The following KIF1C variants were observed in gnomAD, a reference collection of about 807,000 sequenced individuals.
KIF1C encodes the protein kinesin-like protein KIF1C.
A neutral mutation model predicts 126.5 loss-of-function variants in KIF1C; 61 were observed. The observed-to-expected ratio is 0.48, with a 90% CI of 0.39 to 0.60. The LOEUF is 0.60. Among genes scored for constraint, KIF1C ranks in the 20% least tolerant of loss-of-function variants. The pLI is 0.00. For synonymous variants in KIF1C, 640 were observed against 580.6 expected (o/e 1.10, Z -1.47); for missense variants, 1,315 against 1,489.2 (o/e 0.88, Z 1.93).
At chr17:5,009,023 A>G (rs1974798619) in intron 16 of KIF1C, among the ~76,000 whole-genome samples, 1 of 151,986 alleles carries the variant, frequency 6.6e-6, no homozygotes, top group African/African-American at 2.4e-5. Context: ...AATTGTTCTT[A>G]TAAAGGTAAT....
In KIF1C at chr17:5,007,348, AG is replaced by A. The variant is rs1436124312; in HGVS notation, c.1415+9del. On this transcript the variant is annotated splice_region_variant and intron_variant, in intron 15 of 22. Transcript: ENST00000320785. Reference sequence around the variant, plus strand: ...GAAGCCCTGAGGATGGAGAGGTGTGAGGGCCGACAGTTGGGGTCCTGGGTGG... The same window carrying A: ...GAAGCCCTGAGGATGGAGAGGTGTGAGGCCGACAGTTGGGGTCCTGGGTGG... 1 of 1,613,418 alleles carries A rather than the reference AG, an allele frequency of 6.2e-7. No individual in the cohort carries two copies. Among genetic ancestry groups the A allele is most frequent in the Non-Finnish European group, 8.5e-7 (1 of 1,179,680 alleles).
In KIF1C at chr17:5,013,643, C is replaced by T; in HGVS notation, c.1492-10C>T. ...TGGCTCCCCCTGACCACCTTTCTCT[C>T]CCCGCTTAGACTCCCCACCTGGTGA... On this transcript the variant is annotated splice_polypyrimidine_tract_variant and intron_variant, in intron 16 of 22. Transcript: ENST00000320785. 2 of 1,611,558 alleles carry T rather than the reference C, an allele frequency of 1.2e-6. No individual in the cohort carries two copies. The highest frequency in any genetic ancestry group is 1.7e-6 in the Non-Finnish European group (2 of 1,177,850).
chr17:5,009,503 C>T (rs1288095886), intron 16 of KIF1C, among the ~76,000 whole-genome samples: 4 of 151,590 alleles, frequency 2.6e-5, no homozygotes, highest in Non-Finnish European at 5.9e-5. Flanking sequence ...CTATATTCTC[C>T]TTGGGTCGGG....
At position 5,022,674 on chromosome 17, in the gene KIF1C, A is replaced by G; in HGVS notation, c.2593A>G (p.Met865Val). ...DRELQALRDR[M>V]LRMERVIPLA... The stretch of plus-strand genomic sequence containing the variant: ...GGAGCTGCAGGCCCTGCGGGACCGC[A>G]TGCTCCGCATGGAGAGGGTCATCCC... The change falls in exon 22 of 23, where the codon ATG becomes GTG. Residue 865 changes from methionine to valine, a missense_variant. By Grantham distance (21) the Met-to-Val change is conservative. This residue lies in a region of KIF1C where 441 missense variants were observed against 436.1 expected (regional missense o/e 1.01). Coordinates refer to ENST00000320785, the MANE Select transcript of KIF1C (RefSeq NM_006612.6). This position sits in a 1 kb window ranked among gnomAD's most constrained non-coding sequence, Gnocchi z 4.9. The G allele has an allele frequency of 6.3e-7, 1 of 1,577,908 alleles. No individual in the cohort carries two copies. Among genetic ancestry groups the G allele is most frequent in the Non-Finnish European group, 8.6e-7 (1 of 1,161,908 alleles).
intron 16 of KIF1C, among the ~76,000 whole-genome samples, chr17:5,008,465 G>GTC (rs1214315985): frequency 6.6e-6 from 1 of 152,218 alleles, no homozygotes; most frequent in African/African-American, 2.4e-5. Flanking sequence ...ATGGTGTGAA[G>GTC]CAGCAGAGGA....
At position 5,023,951 on chromosome 17, in the gene KIF1C, G is replaced by A. The variant is rs1159586653; in HGVS notation, c.3112G>A (p.Gly1038Ser). 1.3e-6 allele frequency: 2 copies of A among 1,577,224 alleles called. No homozygotes were observed. The highest frequency in any genetic ancestry group is 1.7e-6 in the Non-Finnish European group (2 of 1,161,206). ...HPRRNSLDGG[G>S]RSRGAGSAQP... ...CCGCAGGAACTCCCTGGATGGAGGGGGCCGATCCCGGGGAGCGGGTTCTGC... is the reference window on the plus strand; with the variant it reads ...CCGCAGGAACTCCCTGGATGGAGGGAGCCGATCCCGGGGAGCGGGTTCTGC... Residue 1038 changes from glycine to serine, a missense_variant, in exon 23 of 23, where the codon GGC becomes AGC. By Grantham distance (56) the Gly-to-Ser change is moderately conservative. This residue lies in a region of KIF1C where 441 missense variants were observed against 436.1 expected (regional missense o/e 1.01). Transcript: ENST00000320785. This position sits in a 1 kb window ranked among gnomAD's most constrained non-coding sequence, Gnocchi z 4.2.
chr17:5,021,170 T>G (rs1235968199), intron 21 of KIF1C, among the ~76,000 whole-genome samples: 1 of 15,742 alleles, frequency 6.4e-5, no homozygotes, highest in East Asian at 5.9e-4. Context: ...ATTGTTGTGG[T>G]TTTTTTTTTT....
At position 5,013,641 on chromosome 17, in the gene KIF1C, C is replaced by G; in HGVS notation, c.1492-12C>G. 3.7e-6 allele frequency: 6 copies of G among 1,611,050 alleles called. No individual in the cohort carries two copies. In the South Asian group the frequency reaches 6.6e-5, roughly 18 times the overall value. On this transcript the variant is annotated splice_polypyrimidine_tract_variant and intron_variant, in intron 16 of 22. Coordinates refer to ENST00000320785, the MANE Select transcript of KIF1C (RefSeq NM_006612.6). Reference sequence around the variant, plus strand: ...GCTGGCTCCCCCTGACCACCTTTCTCTCCCCGCTTAGACTCCCCACCTGGT... The same window carrying G: ...GCTGGCTCCCCCTGACCACCTTTCTGTCCCCGCTTAGACTCCCCACCTGGT...
In KIF1C at chr17:5,027,079, C is replaced by G. The variant is rs1975220519; in HGVS notation, c.*2928C>G. ...TTTAAAGTACCCCGGTAAAATAGGT[C>G]TTTTGTCTGCATTTTTCAGATGGGA... On this transcript the variant is annotated 3_prime_UTR_variant, in exon 23 of 23. Coordinates refer to ENST00000320785, the MANE Select transcript of KIF1C (RefSeq NM_006612.6). 6.6e-6 allele frequency: 1 copy of G among 152,130 alleles called. No homozygotes were observed. Among genetic ancestry groups the G allele is most frequent in the South Asian group, 2.1e-4 (1 of 4,828 alleles). The allele number at this position is 152,130 out of a possible 1,614,324, so 9.4% of individuals were successfully genotyped here. A position where few individuals can be genotyped will look rare whatever the true frequency, so the allele number is the denominator to read the frequency against.
At position 5,023,727 on chromosome 17, in the gene KIF1C, G is replaced by A. The variant is rs777114824; in HGVS notation, c.2888G>A (p.Arg963His). The change falls in exon 23 of 23, where the codon CGC (arginine) becomes CAC (histidine). Residue 963 changes from arginine (R) to histidine (H), a missense_variant. Arg to His is a conservative substitution (Grantham distance 29). Coordinates refer to ENST00000320785, the MANE Select transcript of KIF1C (RefSeq NM_006612.6). The surrounding 1 kb of genome is among the most constrained non-coding windows in gnomAD (Gnocchi z 4.2). ...QGSGGRGGGL[R>H]RPPARFVPPH... ...TCTGGGGGCCGGGGCGGGGGGCTGC[G>A]CAGGCCCCCAGCCCGCTTTGTGCCC... The A allele has an allele frequency of 1.2e-5, 18 of 1,536,672 alleles. No individual in the cohort carries two copies. The highest frequency in any genetic ancestry group is 3.8e-5 in the South Asian group (3 of 79,244).
chr17:4,999,902 G>T lies in KIF1C; in HGVS notation c.-96G>T. 2 of 279,138 alleles carry T rather than the reference G, an allele frequency of 7.2e-6. 1 individual carries two copies. The highest frequency in any genetic ancestry group is 9.0e-5 in the South Asian group (2 of 22,178). 17.3% of individuals were successfully genotyped at this position (279,138 alleles called of 1,614,324 possible). ...GGCCAGGCCCCAGGAGTAGGATGGG[G>T]CTCCCCCTACGAGGGCCGGTGGCAG... On this transcript the variant is annotated 5_prime_UTR_variant, in exon 2 of 23. Transcript: ENST00000320785.
At position 5,023,434 on chromosome 17, in the gene KIF1C, C is replaced by A. The variant is rs766046831; in HGVS notation, c.2629-34C>A. ...TGTCCTGAGGATTCAGCTCTCCTCACATCCCTTCTCCTTTTCTCACTCCTC... is the reference window on the plus strand; with the variant it reads ...TGTCCTGAGGATTCAGCTCTCCTCAAATCCCTTCTCCTTTTCTCACTCCTC... On this transcript the variant is annotated intron_variant, in intron 22 of 22. Coordinates refer to ENST00000320785, the MANE Select transcript of KIF1C (RefSeq NM_006612.6). This position sits in a 1 kb window ranked among gnomAD's most constrained non-coding sequence, Gnocchi z 4.2. 6.3e-7 allele frequency: 1 copy of A among 1,578,836 alleles called. No individual in the cohort carries two copies. The highest frequency in any genetic ancestry group is 2.2e-5 in the East Asian group (1 of 44,448).
chr17:5,014,882 C>T (rs1974940391), intron 18 of KIF1C, 45 bp downstream of exon 18: 1 of 1,439,982 alleles, frequency 6.9e-7, no homozygotes, highest in Non-Finnish European at 9.6e-7. Flanking sequence ...GAGAGAGGCC[C>T]CATGTTCCAC....
rs755285892 is a variant in KIF1C, at chr17:5,022,681, G to C, written c.2600G>C (p.Arg867Pro). 6.4e-7 allele frequency: 1 copy of C among 1,567,476 alleles called. No homozygotes were observed. The highest frequency in any genetic ancestry group is 1.8e-5 in the Admixed American group (1 of 55,100). The change falls in exon 22 of 23, where the codon CGC (arginine) becomes CCC (proline). Residue 867 changes from arginine to proline, a missense_variant. Transcript: ENST00000320785. The surrounding 1 kb of genome is among the most constrained non-coding windows in gnomAD (Gnocchi z 4.9). ...ELQALRDRML[R>P]MERVIPLAQD... ...CAGGCCCTGCGGGACCGCATGCTCCGCATGGAGAGGGTCATCCCCCTGGCC... is the reference window on the plus strand; with the variant it reads ...CAGGCCCTGCGGGACCGCATGCTCCCCATGGAGAGGGTCATCCCCCTGGCC...
chr17:5,008,446 G>A (rs527583679), intron 16 of KIF1C, among the ~76,000 whole-genome samples: 1 of 152,212 alleles, frequency 6.6e-6, no homozygotes, highest in Admixed American at 6.5e-5. Flanking sequence ...AGCCCAGCCC[G>A]TCTGGACCAT....
At chr17:5,004,167 C>T in intron 11 of KIF1C, 94 bp downstream of exon 11, 1 of 940,962 alleles carries the variant, frequency 1.1e-6, no homozygotes, top group Non-Finnish European at 1.7e-6. Flanking sequence ...CCGAGAATCC[C>T]AAATCCCGTT....
At chr17:5,008,450 G>A (rs986937756) in intron 16 of KIF1C, among the ~76,000 whole-genome samples, 1 of 152,224 alleles carries the variant, frequency 6.6e-6, no homozygotes, top group African/African-American at 2.4e-5. Flanking sequence ...CAGCCCGTCT[G>A]GACCATGGTG....
chr17:5,005,562 GTTC>G (rs1438537166), intron 13 of KIF1C, among the ~76,000 whole-genome samples: 1 of 152,134 alleles, frequency 6.6e-6, no homozygotes, highest in Non-Finnish European at 1.5e-5. Flanking sequence ...GAGTATGAGT[GTTC>G]TTGGAAAGAG....
chr17:5,021,564 C>T (rs542596556), intron 21 of KIF1C, among the ~76,000 whole-genome samples: 3 of 152,048 alleles, frequency 2.0e-5, no homozygotes, highest in Non-Finnish European at 2.9e-5. Context: ...ACTGCAGCCT[C>T]GAACTCCTTG....
Sources: gnomAD v4.1 joint callset for allele counts (sites outside exome capture counted in the v4.1 genomes callset) on GRCh38, gnomAD v4.1.1 for gene constraint, gnomAD v4.1.1 regional missense constraint, Gnocchi (gnomAD v3.1) non-coding constraint, MANE v1.5 for transcripts, NCBI Gene and HGNC (gene_info 2026-07-23, HGNC 2026-07-21) for gene names.